The following PRDX4 variants were observed in gnomAD, a reference collection of about 807,000 sequenced individuals.
PRDX4 encodes the protein peroxiredoxin-4.
Under a neutral mutation model 20.5 loss-of-function variants are expected in PRDX4, and 12 were observed. The observed-to-expected ratio is 0.58, with a 90% CI of 0.37 to 0.95. The LOEUF (loss-of-function observed/expected upper bound fraction) is 0.95. PRDX4 is among the 40% of genes least tolerant of loss of function. The probability of loss-of-function intolerance (pLI) is 0.01; values close to 1 mark genes in which losing one functional copy is unlikely to be tolerated. For synonymous variants in PRDX4, 99 were observed against 87.5 expected, an observed-to-expected ratio of 1.13 and a Z score of -0.73; for missense variants, 180 against 207.3, an observed-to-expected ratio of 0.87 and a Z score of 0.81.
At chrX:23,679,419 T>G in intron 4 of PRDX4, 132 bp downstream of exon 4, 133 of 773,476 alleles carry the variant, frequency 1.7e-4, no homozygotes, top group Middle Eastern at 4.9e-4. Context: ...GCACGGTAGC[T>G]CAAGCCTGTA....
rs763711253 is a variant in PRDX4 at position 23,678,137 on chromosome X, G to T, written c.477-1028G>T. Among the ~76,000 whole-genome samples the T allele has an allele frequency of 2.7e-5, 3 of 109,301 alleles. No homozygotes were observed. The East Asian group carries it at 8.6e-4, about 31-fold the overall frequency. 94.9% of individuals were successfully genotyped at this position (109,301 alleles called of 115,157 possible). A position where few individuals can be genotyped will look rare whatever the true frequency, so the allele number is the denominator to read the frequency against. ...CGAAAAATAGCTGGGCGTGGTGGCGGGTGCCTGTAATCCCAGCTACTTACA... is the reference window on the plus strand; with the variant it reads ...CGAAAAATAGCTGGGCGTGGTGGCGTGTGCCTGTAATCCCAGCTACTTACA... On this transcript the variant is annotated intron_variant, in intron 3 of 6. Transcript: ENST00000379341.
At chrX:23,670,682 C>T (rs779250777) in intron 1 of PRDX4, among the ~76,000 whole-genome samples, 4 of 112,449 alleles carry the variant, frequency 3.6e-5, no homozygotes, top group African/African-American at 1.3e-4. Flanking sequence ...TACGCCCTTA[C>T]AAGAGAGCAG....
At chrX:23,683,907 G>A (rs1928133822) in intron 6 of PRDX4, among the ~76,000 whole-genome samples, 2 of 107,685 alleles carry the variant, frequency 1.9e-5, no homozygotes, top group African/African-American at 6.7e-5. Context: ...AATTAGCCGG[G>A]CATGGTGGTG....
intron 4 of PRDX4, among the ~76,000 whole-genome samples, chrX:23,680,920 TAATTAA>T (rs1407049093): frequency 6.4e-5 from 7 of 109,572 alleles, no homozygotes; most frequent in Non-Finnish European, 1.3e-4. Context: ...TCTAAAAAAA[TAATTAA>T]AATTAAAAAT....
At chrX:23,667,921 C>T (rs2084540974) in intron 1 of PRDX4, 110 bp downstream of exon 1, 1 of 1,094,981 alleles carries the variant, frequency 9.1e-7, no homozygotes, top group Non-Finnish European at 1.2e-6. Flanking sequence ...TGCCTCCGGG[C>T]CCTGGGCGGG....
intron 3 of PRDX4, 116 bp from the exon 4 acceptor site, chrX:23,679,048 GT>G (rs1412021008): frequency 5.1e-6 from 4 of 777,419 alleles, no homozygotes; most frequent in Non-Finnish European, 7.4e-6. Flanking sequence ...GCCTGTTTTT[GT>G]TAGTGAAAGA....
intron 5 of PRDX4, among the ~76,000 whole-genome samples, chrX:23,682,864 A>AGTT (rs1928114693): frequency 1.2e-5 from 1 of 81,435 alleles, no homozygotes; most frequent in Non-Finnish European, 2.4e-5. Flanking sequence ...ATATATATAT[A>AGTT]TATATATATA....
At chrX:23,683,524 G>T in intron 5 of PRDX4, 147 bp from the exon 6 acceptor site, 1 of 464,357 alleles carries the variant, frequency 2.2e-6, no homozygotes, top group South Asian at 3.8e-5. Flanking sequence ...TCAACAGGCA[G>T]CTAATAGAAG....
chrX:23,671,852 A>G (rs774086783), intron 2 of PRDX4, among the ~76,000 whole-genome samples: 2 of 112,580 alleles, frequency 1.8e-5, no homozygotes, highest in Non-Finnish European at 3.7e-5. Context: ...ATTATGTTAT[A>G]ATGGAATAAT....
chrX:23,683,042 T>C (rs1262520101), intron 5 of PRDX4, among the ~76,000 whole-genome samples: 2 of 108,277 alleles, frequency 1.8e-5, no homozygotes, highest in Admixed American at 1.0e-4. Flanking sequence ...GATGTAGTTT[T>C]CATTTGCCTC....
chrX:23,679,024 TAGAA>T, intron 3 of PRDX4, 137 bp from the exon 4 acceptor site: 1 of 597,553 alleles, frequency 1.7e-6, no homozygotes, highest in Non-Finnish European at 2.6e-6. Flanking sequence ...AGCAAGAAAA[TAGAA>T]AGTATATTAG....
intron 5 of PRDX4, among the ~76,000 whole-genome samples, chrX:23,682,854 ATAT>A (rs540708738): frequency 1.4e-3 from 19 of 13,585 alleles, no homozygotes; most frequent in Non-Finnish European, 2.2e-3. Context: ...AAAAAAAAAA[ATAT>A]ATATATATAT....
chrX:23,682,853 A>AAAAAAATATATATATAT (rs1555933130), intron 5 of PRDX4, among the ~76,000 whole-genome samples: 2 of 14,876 alleles, frequency 1.3e-4, no homozygotes, highest in Non-Finnish European at 2.5e-4. Context: ...AAAAAAAAAA[A>AAAAAAATATATATATAT]ATATATATAT....
chrX:23,668,056 G>A (rs1407492712), intron 1 of PRDX4, among the ~76,000 whole-genome samples: 1 of 112,302 alleles, frequency 8.9e-6, no homozygotes, highest in Non-Finnish European at 1.9e-5. Context: ...GCAGCTGAGG[G>A]AAAGTGGGTG....
chrX:23,675,001 G>A lies in PRDX4; in HGVS notation c.371G>A (p.Cys124Tyr). The A allele has an allele frequency of 8.3e-7, 1 of 1,205,552 alleles. No homozygotes were observed. The change falls in exon 3 of 7, where the codon TGT (cysteine) becomes TAT (tyrosine). Residue 124 changes from cysteine to tyrosine, a missense_variant. By Grantham distance (194) the Cys-to-Tyr change is radical. Around this residue, in one of 3 missense-constraint regions of PRDX4, gnomAD observed 105 missense variants for 114.2 expected, o/e 0.92. Coordinates refer to ENST00000379341, the MANE Select transcript of PRDX4 (RefSeq NM_006406.2). ...FFYPLDFTFV[C>Y]PTEIIAFGDR... The stretch of plus-strand genomic sequence containing the variant: ...TTTTTACCTTTCAGCACATTTGTGT[G>A]TCCAACTGAAATTATCGCTTTTGGC...
In PRDX4 at chrX:23,667,722, G is replaced by A. The variant is rs1467040342; in HGVS notation, c.152G>A (p.Cys51Tyr). Residue 51 changes from cysteine (C) to tyrosine (Y), a missense_variant, in exon 1 of 7, where the codon TGC becomes TAC. By Grantham distance (194) the Cys-to-Tyr change is radical. Around this residue, in one of 3 missense-constraint regions of PRDX4, gnomAD observed 105 missense variants for 114.2 expected, o/e 0.92. Transcript: ENST00000379341. ...EERPRTREEE[C>Y]HFYAGGQVYP... ...AGGCCCCGGACTCGCGAAGAGGAGT[G>A]CCACTTCTACGCGGGTGGACAAGTG... 1 of 1,211,924 alleles carries A rather than the reference G, an allele frequency of 8.3e-7. No individual in the cohort carries two copies. Among genetic ancestry groups the A allele is most frequent in the Non-Finnish European group, 1.1e-6 (1 of 895,487 alleles).
Position 23,667,792 on chromosome X carries a change from G to A in PRDX4, c.222G>A (p.Leu74=). ...ASRVSVADHS[L]HLSKAKISKP... ...GGGTATCGGTCGCCGACCACTCCCTGCACCTAAGCAAAGCGAAGAGTAGGT... is the reference window on the plus strand; with the variant it reads ...GGGTATCGGTCGCCGACCACTCCCTACACCTAAGCAAAGCGAAGAGTAGGT... Residue 74 remains leucine (L), a synonymous_variant, in exon 1 of 7, where the codon CTG becomes CTA. Transcript: ENST00000379341. 1 of 1,211,273 alleles carries A rather than the reference G, an allele frequency of 8.3e-7. No homozygotes were observed. Among genetic ancestry groups the A allele is most frequent in the Non-Finnish European group, 1.1e-6 (1 of 895,312 alleles).
chrX:23,676,136 C>CAAAAAAAAAAAAA (rs55792240), intron 3 of PRDX4, among the ~76,000 whole-genome samples: 30 of 54,985 alleles, frequency 5.5e-4, no homozygotes, highest in Non-Finnish European at 9.2e-4. Flanking sequence ...AACTCCATCT[C>CAAAAAAAAAAAAA]AAAAAAAAAA....
intron 4 of PRDX4, among the ~76,000 whole-genome samples, chrX:23,680,615 G>A (rs1369451332): frequency 9.0e-6 from 1 of 111,300 alleles, no homozygotes; most frequent in Non-Finnish European, 1.9e-5. Flanking sequence ...ATTCAGCTGG[G>A]CATGGTAGTT....
Sources: gnomAD v4.1 joint callset for allele counts (sites outside exome capture counted in the v4.1 genomes callset) on GRCh38, gnomAD v4.1.1 for gene constraint, gnomAD v4.1.1 regional missense constraint, MANE v1.5 for transcripts, NCBI Gene and HGNC (gene_info 2026-07-23, HGNC 2026-07-21) for gene names.